Variants in GGA2 observed in about 807,000 individuals in gnomAD.
GGA2 encodes the protein ADP-ribosylation factor-binding protein GGA2.
GGA2 carries 48 observed loss-of-function variants against 79.5 expected under a neutral mutation model. The observed-to-expected ratio is 0.60, with a 90% confidence interval of 0.48 to 0.77. The LOEUF (loss-of-function observed/expected upper bound fraction) is 0.77. GGA2 is among the 30% of genes least tolerant of loss of function. The pLI is 0.00. For synonymous variants in GGA2, 317 were observed against 302.0 expected, an observed-to-expected ratio of 1.05 and a Z score of -0.51; for missense variants, 770 against 774.0, an observed-to-expected ratio of 0.99 and a Z score of 0.06.
At chr16:23,511,726 T>C (rs566894928), upstream of GGA2, among the ~76,000 whole-genome samples, 4 of 152,326 alleles carry the variant, frequency 2.6e-5, no homozygotes, top group South Asian at 8.3e-4. Flanking sequence ...CCCAAAAAAG[T>C]ATGTCATGAT....
intron 4 of GGA2, 89 bp downstream of exon 4, chr16:23,493,270 TG>T: frequency 1.3e-6 from 1 of 797,906 alleles, no homozygotes; most frequent in Non-Finnish European, 2.3e-6. Flanking sequence ...TGTCCATGCG[TG>T]GGCCTGCCTC....
At chr16:23,474,867 A>G (rs200433147) in intron 14 of GGA2, 37 bp downstream of exon 14, 356 of 1,145,102 alleles carry the variant, frequency 3.1e-4, no homozygotes, top group South Asian at 1.4e-3. Flanking sequence ...ATTCCCAGGG[A>G]AAAAAAAAAA....
rs1964453166 is a variant in GGA2, at chr16:23,467,418, A to ACACACACAC, written c.*163_*171dup. Reference sequence around the variant, plus strand: ...CACACACACACACACACACACACACACACACACACACACACAGAGCATCTG... The same window carrying ACACACACAC: ...CACACACACACACACACACACACACACACACACACCACACACACACACACAGAGCATCTG... On this transcript the variant is annotated 3_prime_UTR_variant, in exon 17 of 17. Transcript: ENST00000309859. 4 of 603,812 alleles carry ACACACACAC rather than the reference A, an allele frequency of 6.6e-6. No individual in the cohort carries two copies. In the Admixed American group the frequency reaches 1.0e-4, roughly 15 times the overall value. 37.4% of individuals were successfully genotyped at this position (603,812 alleles called of 1,614,324 possible).
chr16:23,480,152 G>A (rs1003742547), intron 10 of GGA2: 40 of 440,674 alleles, frequency 9.1e-5, no homozygotes, highest in Non-Finnish European at 1.5e-4. Context: ...AAGCAGATTC[G>A]GCCTTCTCCA....
intron 1 of GGA2, among the ~76,000 whole-genome samples, chr16:23,497,459 G>A (rs1172468377): frequency 6.6e-6 from 1 of 152,050 alleles, no homozygotes; most frequent in Non-Finnish European, 1.5e-5. Flanking sequence ...TTTATGTCAC[G>A]TGGAAGTCAT....
At chr16:23,522,019 T>C (rs1965148265), upstream of GGA2, 3 of 338,998 alleles carry the variant, frequency 8.8e-6, no homozygotes, top group East Asian at 7.4e-5. Context: ...TCTCTCATAG[T>C]GTTATAAAAA....
chr16:23,508,597 G>T (rs1049256152), intron 1 of GGA2, among the ~76,000 whole-genome samples: 4 of 152,112 alleles, frequency 2.6e-5, no homozygotes, highest in African/African-American at 9.7e-5. Flanking sequence ...CCCCCTGCCT[G>T]TTTCTGCTCA....
intron 9 of GGA2, among the ~76,000 whole-genome samples, chr16:23,482,546 T>A (rs967380970): frequency 3.3e-5 from 5 of 152,218 alleles, no homozygotes; most frequent in African/African-American, 1.2e-4. Flanking sequence ...GCCCTCTTAG[T>A]TGACCTACCT....
In GGA2 at chr16:23,510,333, C is replaced by T. The variant is rs1268683679; in HGVS notation, c.79G>A (p.Glu27Lys). Reference protein sequence around the residue: ...QGPPGPAASLELWLNKATDPS... With the variant: ...QGPPGPAASLKLWLNKATDPS... ...CCAGGCTACTCACTGAGCCACAGCT[C>T]CAGCGACGCTGCCGGGCCCGGGGGA... Residue 27 changes from glutamate to lysine, a missense_variant, in exon 1 of 17, where the codon GAG becomes AAG. Glu to Lys is a moderately conservative substitution (Grantham distance 56, BLOSUM62 1). Coordinates refer to ENST00000309859, the MANE Select transcript of GGA2 (RefSeq NM_015044.4). The T allele has an allele frequency of 7.0e-7, 1 of 1,436,760 alleles. No homozygotes were observed. Among genetic ancestry groups the T allele is most frequent in the South Asian group, 1.4e-5 (1 of 73,422 alleles). 89.0% of individuals were successfully genotyped at this position (1,436,760 alleles called of 1,614,324 possible). A position where few individuals can be genotyped will look rare whatever the true frequency, so the allele number is the denominator to read the frequency against.
At chr16:23,515,573 C>A (rs1273218936) in intron 2 of GGA2, among the ~76,000 whole-genome samples, 731 of 111,292 alleles carry the variant, frequency 6.6e-3, no homozygotes, top group Middle Eastern at 8.9e-3. Context: ...CTCCAGCCTG[C>A]AAAAAAAAAA....
intron 2 of GGA2, 87 bp from the exon 3 acceptor site, chr16:23,494,465 C>G (rs780483715): frequency 1.1e-6 from 1 of 883,302 alleles, no homozygotes; most frequent in Non-Finnish European, 1.9e-6. Context: ...AATCACTTTT[C>G]TTCCAGGGGC....
At chr16:23,480,321 T>A in intron 10 of GGA2, 1 of 320,050 alleles carries the variant, frequency 3.1e-6, no homozygotes, top group South Asian at 4.6e-5. Context: ...CTGATACAGC[T>A]GACCTGGCAC....
chr16:23,492,595 G>A (rs1964803104), intron 4 of GGA2, among the ~76,000 whole-genome samples: 1 of 152,184 alleles, frequency 6.6e-6, no homozygotes, highest in African/African-American at 2.4e-5. Flanking sequence ...CAGCAGCTCT[G>A]TCCCCTCTTG....
Position 23,470,183 on chromosome 16 carries a change from A to G in GGA2, c.1451-18T>C, listed in dbSNP as rs1964492552. On this transcript the variant is annotated intron_variant, in intron 14 of 16. Transcript: ENST00000309859. ...CAGGCTGCCTGGTATAAAGGGCACA[A>G]GCAGAAGGTTTAACACCACTACAAA... 1 of 1,572,798 alleles carries G rather than the reference A, an allele frequency of 6.4e-7. No homozygotes were observed. The highest frequency in any genetic ancestry group is 1.2e-5 in the South Asian group (1 of 83,872).
At chr16:23,499,972 G>C (rs991312245) in intron 1 of GGA2, among the ~76,000 whole-genome samples, 5 of 152,236 alleles carry the variant, frequency 3.3e-5, no homozygotes, top group African/African-American at 1.2e-4. Context: ...ATTGGTTCCT[G>C]GGAACCAGGA....
At chr16:23,519,163 C>G (rs1381658646) in intron 2 of GGA2, among the ~76,000 whole-genome samples, 5 of 151,786 alleles carry the variant, frequency 3.3e-5, no homozygotes, top group African/African-American at 1.2e-4. Context: ...CCACCTCAGC[C>G]ACGCCAGTAG....
rs1420097964 is a variant in GGA2 at position 23,488,714 on chromosome 16, A to C, written c.476-5T>G. ...TAGGGTCTTGTTTTATAATTCCTAA[A>C]AATGCAATTTACAAAGTTAAGACAC... On this transcript the variant is annotated splice_polypyrimidine_tract_variant and splice_region_variant and intron_variant, in intron 5 of 16. Coordinates refer to ENST00000309859, the MANE Select transcript of GGA2 (RefSeq NM_015044.4). 3 of 1,505,412 alleles carry C rather than the reference A, an allele frequency of 2.0e-6. No individual in the cohort carries two copies. The highest frequency in any genetic ancestry group is 1.8e-6 in the Non-Finnish European group (2 of 1,081,932). The allele number at this position is 1,505,412 out of a possible 1,614,324, so 93.3% of individuals were successfully genotyped here.
upstream of GGA2, chr16:23,523,029 A>G (rs1411615353): frequency 6.6e-6 from 1 of 152,270 alleles, no homozygotes; most frequent in Non-Finnish European, 1.5e-5. Flanking sequence ...ACAAGACAGA[A>G]GCCACGATGT....
chr16:23,510,108 A>C, intron 1 of GGA2, among the ~76,000 whole-genome samples: 1 of 134,174 alleles, frequency 7.5e-6, no homozygotes, highest in Admixed American at 7.5e-5. Flanking sequence ...GGGGAGGGGC[A>C]GAGCTCAGAA....
Sources: allele counts gnomAD v4.1 joint callset (sites outside exome capture counted in the v4.1 genomes callset), GRCh38; gene constraint gnomAD v4.1.1; transcripts MANE v1.5; gene names NCBI Gene and HGNC (gene_info 2026-07-23, HGNC 2026-07-21).